Variants in FUT9 observed in about 807,000 individuals in gnomAD.
FUT9 encodes the protein 4-galactosyl-N-acetylglucosaminide 3-alpha-L-fucosyltransferase 9.
FUT9 carries 15 observed loss-of-function variants against 29.7 expected under a neutral mutation model. The ratio of observed to expected loss-of-function variants is 0.51; its 90% CI spans 0.34 to 0.78. The LOEUF (loss-of-function observed/expected upper bound fraction) is 0.78, where lower values mean the gene tolerates loss of function less well. FUT9 is among the 30% of genes least tolerant of loss of function. The pLI is 0.01. For missense variants in FUT9, 319 were observed against 425.4 expected (o/e 0.75, Z 2.20); for synonymous variants, 169 against 153.7 (o/e 1.10, Z -0.74).
chr6:96,055,524 T>C (rs1479366206), intron 1 of FUT9, among the ~76,000 whole-genome samples: 1 of 151,932 alleles, frequency 6.6e-6, no homozygotes, highest in East Asian at 1.9e-4. Flanking sequence ...AATCTTCTCT[T>C]TTTTTCCTTT....
chr6:96,085,608 G>A (rs190345364), intron 1 of FUT9, among the ~76,000 whole-genome samples: 346 of 150,788 alleles, frequency 2.3e-3, no homozygotes, highest in Non-Finnish European at 2.7e-3. Context: ...AAATAAACAA[G>A]CCAGGTTTGT....
At chr6:96,042,693 C>G (rs184435165) in intron 1 of FUT9, among the ~76,000 whole-genome samples, 19 of 152,184 alleles carry the variant, frequency 1.2e-4, no homozygotes, top group Admixed American at 1.0e-3. Flanking sequence ...GCCCCAAACC[C>G]TCCTTTTTTG....
chr6:96,150,307 C>G (rs1469548770), intron 2 of FUT9, among the ~76,000 whole-genome samples: 1 of 152,032 alleles, frequency 6.6e-6, no homozygotes, highest in Non-Finnish European at 1.5e-5. Context: ...TTTTGATAGA[C>G]CTGGACTTTA....
At chr6:96,058,722 G>A (rs1770821029) in intron 1 of FUT9, among the ~76,000 whole-genome samples, 1 of 152,106 alleles carries the variant, frequency 6.6e-6, no homozygotes, top group Admixed American at 6.6e-5. Flanking sequence ...TTGTTACTTG[G>A]AAAAGACAAA....
chr6:96,091,070 C>T (rs937196689), intron 1 of FUT9, among the ~76,000 whole-genome samples: 2 of 151,922 alleles, frequency 1.3e-5, no homozygotes, highest in African/African-American at 2.4e-5. Context: ...TCAAATATCA[C>T]CCTGCAGATT....
chr6:96,054,125 T>C (rs7745151), intron 1 of FUT9, among the ~76,000 whole-genome samples: 87,923 of 151,916 alleles, frequency 0.58, 25,590 homozygotes, highest in South Asian at 0.64. Flanking sequence ...AATGACCATA[T>C]TTCTTAAGGT....
chr6:96,126,303 TGTCACATGGCAAAACAGGGAGCA>T (rs539301487), intron 2 of FUT9, among the ~76,000 whole-genome samples: 274 of 152,246 alleles, frequency 1.8e-3, no homozygotes, highest in African/African-American at 6.2e-3. Flanking sequence ...AGAGCCAGTG[TGTCACATGGCAAAACAGGGAGCA>T]AGCAAGAAGA....
intron 1 of FUT9, among the ~76,000 whole-genome samples, chr6:96,050,848 A>G (rs1212856720): frequency 6.6e-6 from 1 of 152,156 alleles, no homozygotes; most frequent in Non-Finnish European, 1.5e-5. Flanking sequence ...AATGCAGTTT[A>G]CTTAATTTAT....
At position 96,096,637 on chromosome 6, in the gene FUT9, C is replaced by T. The variant is rs552112401; in HGVS notation, c.-97-17402C>T. 2.4e-3 allele frequency among the ~76,000 whole-genome samples: 362 copies of T among 150,262 alleles called. 2 individuals are homozygous for T. Among genetic ancestry groups the T allele is most frequent in the African/African-American group, 8.7e-3 (354 of 40,850 alleles). On this transcript the variant is annotated intron_variant, in intron 1 of 2. Coordinates refer to ENST00000302103, the MANE Select transcript of FUT9 (RefSeq NM_006581.4). ...AATCTAGACATGGTTTTCTCTCAGC[C>T]TCCTTGTGCTTGCCATTCCTCTGTC...
intron 2 of FUT9, among the ~76,000 whole-genome samples, chr6:96,184,132 T>C (rs540703840): frequency 2.0e-5 from 3 of 152,132 alleles, no homozygotes; most frequent in African/African-American, 7.2e-5. Flanking sequence ...CACTGCTTGT[T>C]TTTGGTCTGT....
At chr6:96,051,030 GTA>G (rs1770658693) in intron 1 of FUT9, among the ~76,000 whole-genome samples, 1 of 151,538 alleles carries the variant, frequency 6.6e-6, no homozygotes, top group South Asian at 2.1e-4. Context: ...GTGTGTGTGT[GTA>G]TTGGGGCAAT....
At chr6:96,141,402 T>G (rs533946059) in intron 2 of FUT9, among the ~76,000 whole-genome samples, 61 of 152,176 alleles carry the variant, frequency 4.0e-4, no homozygotes, top group Admixed American at 2.6e-3. Context: ...TATCTTTCTA[T>G]TAGCACACAA....
intron 2 of FUT9, among the ~76,000 whole-genome samples, chr6:96,126,794 T>G (rs1468302189): frequency 1.3e-5 from 2 of 152,228 alleles, no homozygotes; most frequent in Non-Finnish European, 2.9e-5. Flanking sequence ...ATATCATTTC[T>G]GTATTCTTTA....
At position 96,156,962 on chromosome 6, in the gene FUT9, A is replaced by G. The variant is rs140058604; in HGVS notation, c.-9+42835A>G. On this transcript the variant is annotated intron_variant, in intron 2 of 2. Transcript: ENST00000302103. ...AATGAAATAATGGGCAGACAATGTTAGTTTGAAATGTTCTTTTTCCCCTCC... is the reference window on the plus strand; with the variant it reads ...AATGAAATAATGGGCAGACAATGTTGGTTTGAAATGTTCTTTTTCCCCTCC... 1.6e-4 allele frequency among the ~76,000 whole-genome samples: 24 copies of G among 152,336 alleles called. No homozygotes were observed. The East Asian group carries it at 4.6e-3, about 29-fold the overall frequency.
At chr6:96,088,706 A>G (rs915893475) in intron 1 of FUT9, among the ~76,000 whole-genome samples, 14 of 152,228 alleles carry the variant, frequency 9.2e-5, no homozygotes, top group South Asian at 2.1e-4. Flanking sequence ...TTTTATATTT[A>G]GAATTGAAAA....
At chr6:96,156,415 G>GACT (rs1202050306) in intron 2 of FUT9, among the ~76,000 whole-genome samples, 1 of 152,098 alleles carries the variant, frequency 6.6e-6, no homozygotes, top group Non-Finnish European at 1.5e-5. Context: ...AAGAGTGAGT[G>GACT]GAGTAGAATG....
chr6:96,052,816 A>T (rs1770694372), intron 1 of FUT9, among the ~76,000 whole-genome samples: 1 of 152,256 alleles, frequency 6.6e-6, no homozygotes, highest in South Asian at 2.1e-4. Context: ...ATCTGAAAAA[A>T]AAATTTGTCA....
chr6:96,089,780 G>C (rs1004708428), intron 1 of FUT9, among the ~76,000 whole-genome samples: 5 of 152,098 alleles, frequency 3.3e-5, no homozygotes, highest in Non-Finnish European at 7.4e-5. Flanking sequence ...TCATAACAGC[G>C]CTTTTAAGCT....
chr6:96,029,723 A>T (rs1218550734), intron 1 of FUT9, among the ~76,000 whole-genome samples: 2 of 151,676 alleles, frequency 1.3e-5, no homozygotes, highest in Non-Finnish European at 3.0e-5. Flanking sequence ...CAATGAACAA[A>T]ACCAGACTTA....
Sources: gnomAD v4.1 joint callset for allele counts (sites outside exome capture counted in the v4.1 genomes callset) on GRCh38, gnomAD v4.1.1 for gene constraint, MANE v1.5 for transcripts, NCBI Gene and HGNC (gene_info 2026-07-23, HGNC 2026-07-21) for gene names.